The following SPIDR variants were observed in gnomAD, a reference collection of about 807,000 sequenced individuals.
SPIDR encodes DNA repair-scaffolding protein.
SPIDR carries 93 observed loss-of-function variants against 104.6 expected under a neutral mutation model. The observed-to-expected ratio is 0.89, with a 90% confidence interval of 0.75 to 1.06. SPIDR has a LOEUF of 1.06. SPIDR is among the 50% of genes least tolerant of loss of function. The probability of loss-of-function intolerance (pLI) is 0.00; values close to 1 mark genes in which losing one functional copy is unlikely to be tolerated. For synonymous variants in SPIDR, 431 were observed against 416.9 expected (o/e 1.03, Z -0.41); for missense variants, 1,154 against 1,111.2 (o/e 1.04, Z -0.55).
At chr8:47,545,351 G>T (rs2089165669) in intron 8 of SPIDR, among the ~76,000 whole-genome samples, 1 of 151,822 alleles carries the variant, frequency 6.6e-6, no homozygotes, top group Admixed American at 6.6e-5. Context: ...TTACAGGTGT[G>T]AGCCACTGTG....
At chr8:47,524,727 C>T (rs1190155345) in intron 8 of SPIDR, among the ~76,000 whole-genome samples, 1 of 152,174 alleles carries the variant, frequency 6.6e-6, no homozygotes, top group Non-Finnish European at 1.5e-5. Flanking sequence ...GGAGTTGCTA[C>T]TGCATGATGT....
chr8:47,536,711 A>G (rs551552892), intron 8 of SPIDR, among the ~76,000 whole-genome samples: 1 of 152,302 alleles, frequency 6.6e-6, no homozygotes, highest in South Asian at 2.1e-4. Context: ...GCAGTGACCA[A>G]AGGCACTATC....
chr8:47,701,750 G>A lies in SPIDR; in HGVS notation c.1803G>A (p.Leu601=), dbSNP rs759825979. Residue 601 remains leucine, a synonymous_variant, in exon 13 of 20, where the codon TTG becomes TTA. Coordinates refer to ENST00000297423, the MANE Select transcript of SPIDR (RefSeq NM_001080394.4). ...AAACTCATCTGCCTCCTCCAGCCTT[G>A]TGTTACATCCTCACAGCTCATCCAA... ...EIKTHLPPPA[L]CYILTAHPNL... is the part of the protein sequence containing the mutation. 5.0e-6 allele frequency: 8 copies of A among 1,614,048 alleles called. No individual in the cohort carries two copies. In the South Asian group the frequency reaches 8.8e-5, roughly 18 times the overall value.
chr8:47,260,965 C>G lies in SPIDR; in HGVS notation c.7C>G (p.Arg3Gly), dbSNP rs201653966. Reference sequence around the variant, plus strand: ...TCAGGCGGCGCTCCCGGAGATGCCCCGCGGCAGCCGCGCTCGGGGCTCTAA... The same window carrying G: ...TCAGGCGGCGCTCCCGGAGATGCCCGGCGGCAGCCGCGCTCGGGGCTCTAA... The part of the protein sequence containing the change: MP[R>G]GSRARGSKRK... Residue 3 changes from arginine (R) to glycine (G), a missense_variant, in exon 1 of 20, where the codon CGC (arginine) becomes GGC (glycine). Physicochemically the swap from Arg to Gly is moderately radical, Grantham distance 125. Coordinates refer to ENST00000297423, the MANE Select transcript of SPIDR (RefSeq NM_001080394.4). 4.9e-6 allele frequency: 6 copies of G among 1,229,426 alleles called. No homozygotes were observed. Among genetic ancestry groups the G allele is most frequent in the African/African-American group, 1.6e-5 (1 of 64,072 alleles). The allele number at this position is 1,229,426 out of a possible 1,614,324, so 76.2% of individuals were successfully genotyped here.
intron 10 of SPIDR, among the ~76,000 whole-genome samples, chr8:47,624,953 A>G (rs903009851): frequency 6.6e-6 from 1 of 152,184 alleles, no homozygotes; most frequent in East Asian, 1.9e-4. Flanking sequence ...ATTTTAGACC[A>G]ATGTCCTTGA....
At chr8:47,572,670 A>AT (rs1440934196) in intron 8 of SPIDR, among the ~76,000 whole-genome samples, 35 of 137,550 alleles carry the variant, frequency 2.5e-4, no homozygotes, top group African/African-American at 2.7e-4. Context: ...TCAAAATTAA[A>AT]TTAAAATAAA....
At chr8:47,658,956 A>G (rs796227454) in intron 10 of SPIDR, among the ~76,000 whole-genome samples, 26 of 151,396 alleles carry the variant, frequency 1.7e-4, no homozygotes, top group African/African-American at 2.7e-4. Flanking sequence ...AAAAAAAAAA[A>G]AAAAGAAAAG....
chr8:47,260,910 G>A, upstream of SPIDR: 4 of 1,212,024 alleles, frequency 3.3e-6, no homozygotes, highest in Non-Finnish European at 3.1e-6. Flanking sequence ...CGCCGAGGTG[G>A]GACGGCGGCG....
intron 8 of SPIDR, among the ~76,000 whole-genome samples, chr8:47,582,847 CACACACACACACACACACACACAT>C (rs1278454880): frequency 2.0e-5 from 3 of 149,530 alleles, no homozygotes; most frequent in Middle Eastern, 3.5e-3. Flanking sequence ...CACACACACA[CACACACACACACACACACACACAT>C]ATTTTTAAAA....
intron 11 of SPIDR, among the ~76,000 whole-genome samples, chr8:47,679,196 C>T (rs1305129306): frequency 6.6e-6 from 1 of 152,204 alleles, no homozygotes; most frequent in Non-Finnish European, 1.5e-5. Flanking sequence ...TGGCCCAACA[C>T]AGACGCATGT....
intron 2 of SPIDR, among the ~76,000 whole-genome samples, chr8:47,282,687 T>G (rs2038026926): frequency 2.0e-5 from 3 of 152,206 alleles, no homozygotes; most frequent in African/African-American, 7.2e-5. Context: ...CTGTCTTACT[T>G]TCTTATCATT....
intron 5 of SPIDR, among the ~76,000 whole-genome samples, chr8:47,353,215 C>CTTTCAGAAG (rs2053891775): frequency 6.6e-6 from 1 of 152,012 alleles, no homozygotes; most frequent in Non-Finnish European, 1.5e-5. Flanking sequence ...AGTGTGTAGA[C>CTTTCAGAAG]TGCCTGCATA....
Position 47,447,034 on chromosome 8 carries a change from C to A in SPIDR, c.1097+6492C>A, listed in dbSNP as rs190400690. 4.7e-3 allele frequency among the ~76,000 whole-genome samples: 709 copies of A among 152,260 alleles called. 7 individuals are homozygous for A. The highest frequency in any genetic ancestry group is 8.2e-3 in the Non-Finnish European group (555 of 68,002). Reference sequence around the variant, plus strand: ...GGAAAGAGTTGATTCCAACCCTCTTCAGTGACTTCAGGGGTTTAAAACTTC... The same window carrying A: ...GGAAAGAGTTGATTCCAACCCTCTTAAGTGACTTCAGGGGTTTAAAACTTC... On this transcript the variant is annotated intron_variant, in intron 8 of 19. Coordinates refer to ENST00000297423, the MANE Select transcript of SPIDR (RefSeq NM_001080394.4).
At chr8:47,701,658 T>C in intron 12 of SPIDR, 63 bp from the exon 13 acceptor site, 1 of 1,467,608 alleles carries the variant, frequency 6.8e-7, no homozygotes, top group Non-Finnish European at 9.4e-7. Flanking sequence ...ATTTTAATAA[T>C]ATCTCCTCTT....
chr8:47,497,574 A>G (rs1275570103), intron 8 of SPIDR, among the ~76,000 whole-genome samples: 1 of 152,180 alleles, frequency 6.6e-6, no homozygotes, highest in Non-Finnish European at 1.5e-5. Context: ...GATACCTTGC[A>G]TGACTTCCAT....
At chr8:47,608,444 T>C (rs532030081) in intron 10 of SPIDR, among the ~76,000 whole-genome samples, 26 of 152,362 alleles carry the variant, frequency 1.7e-4, no homozygotes, top group African/African-American at 6.0e-4. Flanking sequence ...TTTTCATTTC[T>C]CTTGAATATA....
At chr8:47,422,707 GGGAGATGTAGACT>G (rs1490801274) in intron 7 of SPIDR, among the ~76,000 whole-genome samples, 14 of 152,316 alleles carry the variant, frequency 9.2e-5, no homozygotes, top group Admixed American at 3.9e-4. Context: ...CGCTCACGCT[GGGAGATGTAGACT>G]GGAGCTGTTC....
At position 47,735,804 on chromosome 8, in the gene SPIDR, C is replaced by T. The variant is rs1336391464; in HGVS notation, c.*354C>T. 2.2e-6 allele frequency: 1 copy of T among 453,806 alleles called. No homozygotes were observed. The highest frequency in any genetic ancestry group is 2.0e-5 in the African/African-American group (1 of 50,724). The allele number at this position is 453,806 out of a possible 1,614,324, so 28.1% of individuals were successfully genotyped here. A position where few individuals can be genotyped will look rare whatever the true frequency, so the allele number is the denominator to read the frequency against. ...AGTTGAACATTTTACCATGATTGAACATGTTTTTATTACAGTATTTAACAT... is the reference window on the plus strand; with the variant it reads ...AGTTGAACATTTTACCATGATTGAATATGTTTTTATTACAGTATTTAACAT... On this transcript the variant is annotated 3_prime_UTR_variant, in exon 20 of 20. Transcript: ENST00000297423.
chr8:47,703,369 C>T (rs2080603874), intron 14 of SPIDR, among the ~76,000 whole-genome samples: 1 of 152,314 alleles, frequency 6.6e-6, no homozygotes, highest in African/African-American at 2.4e-5. Context: ...TGATGAATTG[C>T]ATATATACGA....
Sources: allele counts gnomAD v4.1 joint callset (sites outside exome capture counted in the v4.1 genomes callset), GRCh38; gene constraint gnomAD v4.1.1; transcripts MANE v1.5; gene names NCBI Gene and HGNC (gene_info 2026-07-23, HGNC 2026-07-21).